Variants in CYBA observed in about 807,000 individuals in gnomAD.
CYBA encodes the protein cytochrome b-245 light chain.
CYBA carries 21 observed loss-of-function variants against 20.8 expected under a neutral mutation model. That is an observed-to-expected ratio of 1.01 (90% CI 0.72 to 1.46). The LOEUF is 1.46. Among genes scored for constraint, CYBA ranks in the 40% most tolerant of loss-of-function variants. CYBA has a pLI of 0.00. For synonymous variants in CYBA, 164 were observed against 127.5 expected (o/e 1.29, Z -1.93); for missense variants, 344 against 287.0 (o/e 1.20, Z -1.43).
chr16:88,648,402 C>T lies in CYBA; in HGVS notation c.59-288G>A, dbSNP rs67141749. 0.041 allele frequency among the ~76,000 whole-genome samples: 6,240 copies of T among 150,514 alleles called. 420 individuals carry two copies. The highest frequency in any genetic ancestry group is 0.14 in the African/African-American group (5,924 of 41,262). On this transcript the variant is annotated intron_variant, in intron 1 of 5. Coordinates refer to ENST00000261623, the MANE Select transcript of CYBA (RefSeq NM_000101.4). ...CTGCAGGCCCCAGTGGGCTCTGGGA[C>T]CCCCAAATGGACCCCCTTGTCACCA...
chr16:88,643,534 G>T lies in CYBA; in HGVS notation c.407C>A (p.Pro136His), dbSNP rs1436213793. 2.0e-6 allele frequency: 3 copies of T among 1,535,032 alleles called. No individual in the cohort carries two copies. Among genetic ancestry groups the T allele is most frequent in the Non-Finnish European group, 2.6e-6 (3 of 1,146,808 alleles). The change falls in exon 6 of 6, where the codon CCC (proline) becomes CAC (histidine). Residue 136 changes from proline to histidine, a missense_variant. Pro to His is a moderately conservative substitution (Grantham distance 77). Coordinates refer to ENST00000261623, the MANE Select transcript of CYBA (RefSeq NM_000101.4). This position sits in a 1 kb window ranked among gnomAD's most constrained non-coding sequence, Gnocchi z 4.3. Reference sequence around the variant, plus strand: ...GATCTGCGGCCGCTCCCGGGGCTTGGGCTCGATGGGCGTCCACTGCTCGCC... The same window carrying T: ...GATCTGCGGCCGCTCCCGGGGCTTGTGCTCGATGGGCGTCCACTGCTCGCC... ...VRGEQWTPIE[P>H]KPRERPQIGG...
intron 1 of CYBA, among the ~76,000 whole-genome samples, chr16:88,649,884 C>T (rs1207835576): frequency 6.6e-6 from 1 of 152,176 alleles, no homozygotes; most frequent in Admixed American, 6.5e-5. Flanking sequence ...CGTCTACTTC[C>T]TGTAGGGAGT....
At chr16:88,645,133 A>ACAAGGAATT in intron 5 of CYBA, 1 of 699,636 alleles carries the variant, frequency 1.4e-6, no homozygotes, top group South Asian at 1.5e-5. Context: ...TGGGTTTAGC[A>ACAAGGAATT]CAAGGAATTC....
At chr16:88,644,092 G>A (rs1375847606) in intron 5 of CYBA, among the ~76,000 whole-genome samples, 1 of 152,214 alleles carries the variant, frequency 6.6e-6, no homozygotes, top group Non-Finnish European at 1.5e-5. Flanking sequence ...TAAAAATACA[G>A]ACTCCTGGGC....
rs183449290 is a variant in CYBA at position 88,649,714 on chromosome 16, G to A, written c.58+1242C>T. Among the ~76,000 whole-genome samples the A allele has an allele frequency of 7.1e-3, 1,083 of 152,332 alleles. 6 individuals are homozygous for A. The highest frequency in any genetic ancestry group is 0.01 in the Non-Finnish European group (709 of 68,016). On this transcript the variant is annotated intron_variant, in intron 1 of 5. Coordinates refer to ENST00000261623, the MANE Select transcript of CYBA (RefSeq NM_000101.4). ...AGATCTAGGAACAGAAAGGAAGCAC[G>A]GCAGCTGGAGGAGGGGGCCGGAGAG... is the stretch of plus-strand genomic sequence containing the variant.
At chr16:88,650,820 C>G (rs1167284343) in intron 1 of CYBA, 136 bp downstream of exon 1, 2 of 950,686 alleles carry the variant, frequency 2.1e-6, no homozygotes. Flanking sequence ...TCCCCGCACC[C>G]TCCTGGCCTG....
At chr16:88,650,727 G>A (rs2142882805) in intron 1 of CYBA, 7 of 612,192 alleles carry the variant, frequency 1.1e-5, no homozygotes, top group South Asian at 1.1e-4. Context: ...GAGGGGCGCC[G>A]CGCTCCGCAG....
intron 1 of CYBA, 105 bp downstream of exon 1, chr16:88,650,851 G>T: frequency 4.7e-6 from 6 of 1,264,028 alleles, no homozygotes; most frequent in Non-Finnish European, 5.6e-6. Context: ...GGCCTGGCCC[G>T]CCTGGCGCCC....
intron 1 of CYBA, among the ~76,000 whole-genome samples, chr16:88,649,840 A>G (rs187941881): frequency 1.7e-3 from 256 of 152,346 alleles, no homozygotes; most frequent in Non-Finnish European, 3.0e-3. Context: ...ACTAGAGCCC[A>G]GGTCTCCTGG....
chr16:88,649,011 C>A (rs191199131), intron 1 of CYBA, among the ~76,000 whole-genome samples: 233 of 149,526 alleles, frequency 1.6e-3, no homozygotes, highest in African/African-American at 5.4e-3. Context: ...GATCTCAGCT[C>A]ACTACAACCT....
rs969723163 is a variant in CYBA at position 88,649,189 on chromosome 16, G to T, written c.59-1075C>A. Among the ~76,000 whole-genome samples the T allele has an allele frequency of 3.3e-5, 5 of 152,248 alleles. No homozygotes were observed. In the East Asian group the frequency reaches 7.7e-4, roughly 23 times the overall value. On this transcript the variant is annotated intron_variant, in intron 1 of 5. Transcript: ENST00000261623. ...CCTGACCTCGTGATCCGCCCGCCTT[G>T]GCCTCCCAAAGTGCTAGGATTACAG...
At chr16:88,650,222 G>A (rs1907456663) in intron 1 of CYBA, 1 of 375,694 alleles carries the variant, frequency 2.7e-6, no homozygotes, top group African/African-American at 2.1e-5. Flanking sequence ...TGGTGCCTCT[G>A]CCCTCAGACC....
At chr16:88,645,546 T>C (rs1907247101) in intron 5 of CYBA, 5 of 647,794 alleles carry the variant, frequency 7.7e-6, no homozygotes, top group Non-Finnish European at 1.4e-5. Flanking sequence ...GCAGAGGGCA[T>C]TTCACCCAAG....
At chr16:88,649,422 C>T (rs970503434) in intron 1 of CYBA, among the ~76,000 whole-genome samples, 3 of 152,156 alleles carry the variant, frequency 2.0e-5, no homozygotes, top group Non-Finnish European at 4.4e-5. Context: ...AGCCTGCCAT[C>T]CGAAAGAGGG....
chr16:88,648,878 C>G (rs558296804), intron 1 of CYBA, among the ~76,000 whole-genome samples: 42 of 151,724 alleles, frequency 2.8e-4, no homozygotes, highest in African/African-American at 1.0e-3. Context: ...CTTGGCCTCC[C>G]AGAGTGTTGG....
chr16:88,647,726 G>A, intron 2 of CYBA: 1 of 482,212 alleles, frequency 2.1e-6, no homozygotes, highest in South Asian at 2.1e-5. Flanking sequence ...GCCGGTCAAG[G>A]GGGATGACTG....
Position 88,648,133 on chromosome 16 carries a change from C to A in CYBA, c.59-19G>T. On this transcript the variant is annotated intron_variant, in intron 1 of 5. Coordinates refer to ENST00000261623, the MANE Select transcript of CYBA (RefSeq NM_000101.4). ...ATGAGGACTGCGGGGAGAAGTGGGT[C>A]AGGCACTGTGGGGCTCCCGTCCCGG... 1 of 1,606,560 alleles carries A rather than the reference C, an allele frequency of 6.2e-7. No individual in the cohort carries two copies. Among genetic ancestry groups the A allele is most frequent in the South Asian group, 1.1e-5 (1 of 89,678 alleles).
intron 5 of CYBA, chr16:88,644,728 G>C (rs1325340969): frequency 5.2e-6 from 1 of 192,662 alleles, no homozygotes; most frequent in East Asian, 1.2e-4. Context: ...GGGAGGCTGA[G>C]GCAGGAGAAT....
chr16:88,643,771 C>T lies in CYBA; in HGVS notation c.370-200G>A, dbSNP rs905912710. On this transcript the variant is annotated intron_variant, in intron 5 of 5. Transcript: ENST00000261623. The surrounding 1 kb of genome is among the most constrained non-coding windows in gnomAD (Gnocchi z 4.3). ...AGGACCTGGGTCGGCCTGACACCAGCCCAAGCTATTTCTTCATGCCAGGAG... is the reference window on the plus strand; with the variant it reads ...AGGACCTGGGTCGGCCTGACACCAGTCCAAGCTATTTCTTCATGCCAGGAG... Among the ~76,000 whole-genome samples, 2 of 152,238 alleles carry T rather than the reference C, an allele frequency of 1.3e-5. No individual in the cohort carries two copies. Among genetic ancestry groups the T allele is most frequent in the African/African-American group, 4.8e-5 (2 of 41,464 alleles).
Sources: gnomAD v4.1 joint callset for allele counts (sites outside exome capture counted in the v4.1 genomes callset) on GRCh38, gnomAD v4.1.1 for gene constraint, Gnocchi (gnomAD v3.1) non-coding constraint, MANE v1.5 for transcripts, NCBI Gene and HGNC (gene_info 2026-07-23, HGNC 2026-07-21) for gene names.